The following SFXN1 variants were observed in gnomAD, a reference collection of about 807,000 sequenced individuals.
SFXN1 encodes the protein sideroflexin-1.
In SFXN1, 32 loss-of-function variants were observed where a neutral mutation model predicts 39.5. The ratio of observed to expected loss-of-function variants is 0.81; its 90% CI spans 0.61 to 1.09. The LOEUF (loss-of-function observed/expected upper bound fraction) is 1.09. Ranked by LOEUF, SFXN1 falls within the 50% of genes least tolerant of loss-of-function variation. The probability of loss-of-function intolerance (pLI) is 0.00; values close to 1 mark genes in which losing one functional copy is unlikely to be tolerated. For missense variants in SFXN1, 402 were observed against 407.1 expected (o/e 0.99, Z 0.11); for synonymous variants, 136 against 146.5 (o/e 0.93, Z 0.52).
intron 10 of SFXN1, among the ~76,000 whole-genome samples, chr5:175,525,475 C>A (rs867013739): frequency 6.6e-6 from 1 of 152,194 alleles, no homozygotes; most frequent in Non-Finnish European, 1.5e-5. Context: ...TAAACAATAG[C>A]CATCATGGGA....
At chr5:175,518,714 C>T (rs1760790494) in intron 8 of SFXN1, among the ~76,000 whole-genome samples, 1 of 152,072 alleles carries the variant, frequency 6.6e-6, no homozygotes, top group African/African-American at 2.4e-5. Flanking sequence ...GGGATGTAGG[C>T]AATGTGTAAG....
chr5:175,498,313 T>C lies in SFXN1; in HGVS notation c.164+6046T>C, dbSNP rs537636448. Among the ~76,000 whole-genome samples the C allele has an allele frequency of 3.9e-5, 6 of 152,236 alleles. No homozygotes were observed. The East Asian group carries it at 1.2e-3, about 29-fold the overall frequency. ...TTCCTGAGTGCTGGATACTGACGGC[T>C]TTAATCATTTCACATTTACTAATTT... On this transcript the variant is annotated intron_variant, in intron 2 of 10. Transcript: ENST00000321442.
At chr5:175,508,514 C>A (rs1760395292) in intron 2 of SFXN1, among the ~76,000 whole-genome samples, 2 of 152,128 alleles carry the variant, frequency 1.3e-5, no homozygotes, top group African/African-American at 4.8e-5. Context: ...AGATTACAGG[C>A]ATAAGCCACC....
chr5:175,517,275 C>G (rs758825300), intron 8 of SFXN1, among the ~76,000 whole-genome samples: 1 of 152,142 alleles, frequency 6.6e-6, no homozygotes, highest in Non-Finnish European at 1.5e-5. Flanking sequence ...TGTGTTCTCC[C>G]CACTTTCATC....
At position 175,509,098 on chromosome 5, in the gene SFXN1, A is replaced by G; in HGVS notation, c.231A>G (p.Ser77=). 6.2e-7 allele frequency: 1 copy of G among 1,614,028 alleles called. No individual in the cohort carries two copies. Among genetic ancestry groups the G allele is most frequent in the Middle Eastern group, 1.6e-4 (1 of 6,062 alleles). ...GGAGAGCAAAGTACATCTATGATTC[A>G]GCTTTTCATCCTGACACTGGTGAGA... The part of the protein sequence containing the change: ...ELWRAKYIYD[S]AFHPDTGEKM... Residue 77 remains serine (S), a synonymous_variant, in exon 3 of 11, where the codon TCA becomes TCG. Transcript: ENST00000321442.
chr5:175,522,747 CAG>C (rs1760920930), intron 10 of SFXN1: 1 of 230,682 alleles, frequency 4.3e-6, no homozygotes, highest in Non-Finnish European at 8.5e-6. Flanking sequence ...ATCTGTAATA[CAG>C]ATATGATAGG....
At chr5:175,519,864 CTTT>C (rs369561037) in intron 8 of SFXN1, among the ~76,000 whole-genome samples, 2 of 77,280 alleles carry the variant, frequency 2.6e-5, no homozygotes, top group African/African-American at 5.4e-5. Flanking sequence ...GGGTTTTTTG[CTTT>C]TTTTTTTTTT....
intron 1 of SFXN1, among the ~76,000 whole-genome samples, chr5:175,480,448 A>T (rs1759200349): frequency 6.6e-6 from 1 of 151,802 alleles, no homozygotes. Context: ...ATCAGCTCCC[A>T]TCTCAGCTTA....
chr5:175,482,161 T>C (rs987878989), intron 1 of SFXN1, among the ~76,000 whole-genome samples: 3 of 152,238 alleles, frequency 2.0e-5, no homozygotes, highest in Admixed American at 6.5e-5. Flanking sequence ...TGTTCCGTCA[T>C]GTCCCCTGGA....
chr5:175,490,958 C>T (rs1419548530), intron 1 of SFXN1, among the ~76,000 whole-genome samples: 1 of 152,026 alleles, frequency 6.6e-6, no homozygotes, highest in Non-Finnish European at 1.5e-5. Context: ...AAAACAGTAA[C>T]GATGATTTCA....
intron 2 of SFXN1, among the ~76,000 whole-genome samples, chr5:175,504,936 G>C (rs60244766): frequency 1.3e-5 from 2 of 151,864 alleles, no homozygotes; most frequent in East Asian, 3.9e-4. Flanking sequence ...CACAGTGTTA[G>C]CCAGAATGGT....
intron 8 of SFXN1, among the ~76,000 whole-genome samples, chr5:175,521,524 C>T (rs1056792858): frequency 6.6e-6 from 1 of 152,202 alleles, no homozygotes; most frequent in African/African-American, 2.4e-5. Context: ...CTAGGCTCTG[C>T]CTGTGGTTCC....
chr5:175,502,366 C>G (rs944663882), intron 2 of SFXN1, among the ~76,000 whole-genome samples: 3 of 152,072 alleles, frequency 2.0e-5, no homozygotes, highest in African/African-American at 7.2e-5. Context: ...TGTTTCAGAG[C>G]CAGACCATGA....
chr5:175,519,309 A>C (rs1329813405), intron 8 of SFXN1, among the ~76,000 whole-genome samples: 1 of 152,222 alleles, frequency 6.6e-6, no homozygotes, highest in African/African-American at 2.4e-5. Context: ...TACAAAGTTA[A>C]ACAGATGCTG....
rs778125251 is a variant in SFXN1, at chr5:175,510,168, A to G, written c.395A>G (p.Asn132Ser). ...WINQSFNAVV[N>S]YTNRSGDAPL... is the part of the protein sequence containing the mutation. ...AACCAGTCCTTCAATGCCGTCGTCA[A>G]TTACACCAACAGAAGTGGAGACGCA... Residue 132 changes from asparagine to serine, a missense_variant, in exon 4 of 11, where the codon AAT (asparagine) becomes AGT (serine). Asn to Ser is a conservative substitution (Grantham distance 46, BLOSUM62 1). Transcript: ENST00000321442. 1.1e-5 allele frequency: 18 copies of G among 1,613,340 alleles called. No individual in the cohort carries two copies. Among genetic ancestry groups the G allele is most frequent in the East Asian group, 1.1e-4 (5 of 44,880 alleles).
At chr5:175,482,918 A>C in intron 1 of SFXN1, among the ~76,000 whole-genome samples, 1 of 152,238 alleles carries the variant, frequency 6.6e-6, no homozygotes. Context: ...AAAACCAGCC[A>C]GAAAAAAACA....
In SFXN1 at chr5:175,480,904, C is replaced by A. The variant is rs2382026; in HGVS notation, c.-10+2265C>A. Reference sequence around the variant, plus strand: ...AGGTAAGAAATCAAAAGTAGTGAATCCATTTTTTAAAAAGGGGGGAACAAA... The same window carrying A: ...AGGTAAGAAATCAAAAGTAGTGAATACATTTTTTAAAAAGGGGGGAACAAA... On this transcript the variant is annotated intron_variant, in intron 1 of 10. Transcript: ENST00000321442. Among the ~76,000 whole-genome samples, 513 of 152,270 alleles carry A rather than the reference C, an allele frequency of 3.4e-3. 2 individuals carry two copies. The highest frequency in any genetic ancestry group is 5.9e-3 in the Non-Finnish European group (400 of 68,026).
At chr5:175,480,195 A>C (rs1049858926) in intron 1 of SFXN1, among the ~76,000 whole-genome samples, 1 of 152,082 alleles carries the variant, frequency 6.6e-6, no homozygotes, top group Non-Finnish European at 1.5e-5. Flanking sequence ...AGGTCAGGAG[A>C]TCAAGACCAT....
chr5:175,512,422 G>A (rs1338505857), intron 6 of SFXN1, among the ~76,000 whole-genome samples: 6 of 152,218 alleles, frequency 3.9e-5, no homozygotes, highest in African/African-American at 1.4e-4. Flanking sequence ...ACTGAGGAGT[G>A]CGGGGAGGGG....
Sources: gnomAD v4.1 joint callset for allele counts (sites outside exome capture counted in the v4.1 genomes callset) on GRCh38, gnomAD v4.1.1 for gene constraint, MANE v1.5 for transcripts, NCBI Gene and HGNC (gene_info 2026-07-23, HGNC 2026-07-21) for gene names.